The following CA10 variants were observed in gnomAD, a reference collection of about 807,000 sequenced individuals.
The protein encoded by CA10 is carbonic anhydrase-related protein 10.
In CA10, 14 loss-of-function variants were observed where a neutral mutation model predicts 44.2. That is an observed-to-expected ratio of 0.32 (90% CI 0.21 to 0.50). The LOEUF is 0.50. CA10 is among the 20% of genes least tolerant of loss of function. The pLI, the probability that CA10 is intolerant of heterozygous loss-of-function variation, is 0.99. For missense variants in CA10, 350 were observed against 409.7 expected, an observed-to-expected ratio of 0.85 and a Z score of 1.26; for synonymous variants, 159 against 141.6, an observed-to-expected ratio of 1.12 and a Z score of -0.87.
At chr17:51,988,971 C>G (rs78724912) in intron 2 of CA10, among the ~76,000 whole-genome samples, 399 of 151,982 alleles carry the variant, frequency 2.6e-3, no homozygotes, top group African/African-American at 9.1e-3. Context: ...TAGCACATCT[C>G]AATTCATATT....
intron 3 of CA10, among the ~76,000 whole-genome samples, chr17:51,748,182 G>A (rs962470996): frequency 1.3e-5 from 2 of 152,198 alleles, no homozygotes; most frequent in African/African-American, 4.8e-5. Context: ...GTGAGAAATT[G>A]GAGAAAGCAG....
intron 4 of CA10, among the ~76,000 whole-genome samples, chr17:51,740,521 T>C (rs553014048): frequency 2.0e-4 from 31 of 152,336 alleles, no homozygotes; most frequent in African/African-American, 7.5e-4. Flanking sequence ...GTGGTAACAT[T>C]GAGAGCAACC....
At chr17:51,666,791 G>GT (rs1914223785) in intron 4 of CA10, among the ~76,000 whole-genome samples, 1 of 152,176 alleles carries the variant, frequency 6.6e-6, no homozygotes, top group Non-Finnish European at 1.5e-5. Flanking sequence ...AGAAAATGAT[G>GT]TATCAATTCA....
chr17:51,916,396 C>T (rs149525473), intron 3 of CA10, among the ~76,000 whole-genome samples: 84 of 152,282 alleles, frequency 5.5e-4, no homozygotes, highest in African/African-American at 2.0e-3. Flanking sequence ...CCAAATCTCA[C>T]CTGGAATTGT....
intron 3 of CA10, among the ~76,000 whole-genome samples, chr17:51,777,022 A>G (rs1292319987): frequency 6.6e-6 from 1 of 152,198 alleles, no homozygotes; most frequent in Non-Finnish European, 1.5e-5. Flanking sequence ...CCCAAAGGGA[A>G]TAGGGAAGGG....
rs148602138 is a variant in CA10, at chr17:51,818,224, A to G, written c.280-70406T>C. On this transcript the variant is annotated intron_variant, in intron 3 of 8. Coordinates refer to ENST00000451037, the MANE Select transcript of CA10 (RefSeq NM_020178.5). ...TAATCCTTATCTTACCTCACTTTGT[A>G]ATTGGGAACTCATTTAAATAAGAAA... is the stretch of plus-strand genomic sequence containing the variant. 2.6e-3 allele frequency among the ~76,000 whole-genome samples: 393 copies of G among 152,332 alleles called. 2 individuals carry two copies. The highest frequency in any genetic ancestry group is 8.7e-3 in the African/African-American group (360 of 41,568).
intron 1 of CA10, among the ~76,000 whole-genome samples, chr17:52,113,297 A>G (rs1988824893): frequency 6.6e-6 from 1 of 152,208 alleles, no homozygotes; most frequent in African/African-American, 2.4e-5. Flanking sequence ...TTTGAGAAAT[A>G]CAGATGAATA....
At chr17:51,745,624 C>T (rs1264726913) in intron 4 of CA10, among the ~76,000 whole-genome samples, 2 of 152,206 alleles carry the variant, frequency 1.3e-5, no homozygotes, top group Non-Finnish European at 2.9e-5. Context: ...TGGAAGCACT[C>T]ATTTACTCTA....
At chr17:51,636,031 A>T (rs199649046) in intron 6 of CA10, 22 bp from the exon 7 acceptor site, 1 of 1,524,534 alleles carries the variant, frequency 6.6e-7, no homozygotes, top group African/African-American at 1.4e-5. Context: ...AAGAAGACTT[A>T]AAAATTAGGT....
At chr17:51,893,300 G>T (rs1980939069) in intron 3 of CA10, among the ~76,000 whole-genome samples, 1 of 152,094 alleles carries the variant, frequency 6.6e-6, no homozygotes, top group Non-Finnish European at 1.5e-5. Context: ...CCGAAGCCAG[G>T]GTTATAGTAA....
chr17:51,761,145 A>G (rs1905207121), intron 3 of CA10: 1 of 152,184 alleles, frequency 6.6e-6, no homozygotes, highest in Non-Finnish European at 1.5e-5. Flanking sequence ...CCAGGCTCTG[A>G]GGAGGCTTAA....
Position 51,895,152 on chromosome 17 carries a change from C to T in CA10, c.279+35838G>A, listed in dbSNP as rs114055064. Reference sequence around the variant, plus strand: ...TACCACACTCTTATCTACTTGCATGCGGATATGGAAAAAGAGGATCCCTGA... The same window carrying T: ...TACCACACTCTTATCTACTTGCATGTGGATATGGAAAAAGAGGATCCCTGA... On this transcript the variant is annotated intron_variant, in intron 3 of 8. Transcript: ENST00000451037. Among the ~76,000 whole-genome samples the T allele has an allele frequency of 2.9e-3, 434 of 151,960 alleles. 1 individual carries two copies. Among genetic ancestry groups the T allele is most frequent in the African/African-American group, 9.3e-3 (385 of 41,460 alleles).
intron 3 of CA10, among the ~76,000 whole-genome samples, chr17:51,871,923 A>C (rs1178973027): frequency 6.6e-6 from 1 of 152,190 alleles, no homozygotes; most frequent in African/African-American, 2.4e-5. Context: ...AAGAAGAATG[A>C]AACATGTACC....
intron 2 of CA10, among the ~76,000 whole-genome samples, chr17:51,951,172 T>A (rs1367025624): frequency 6.6e-6 from 1 of 152,200 alleles, no homozygotes; most frequent in East Asian, 1.9e-4. Context: ...AGTTCTCAGG[T>A]TCCTCCTCCA....
chr17:51,998,116 T>C (rs751617842), intron 2 of CA10, among the ~76,000 whole-genome samples: 29 of 151,980 alleles, frequency 1.9e-4, no homozygotes, highest in Non-Finnish European at 3.5e-4. Context: ...AGAGGAAGGA[T>C]TGGGATGCTA....
In CA10 at chr17:51,631,351, CATGTGTTTGTATGTATGT is replaced by C. The variant is rs574103974; in HGVS notation, c.*215_*232del. 778 of 571,162 alleles carry C rather than the reference CATGTGTTTGTATGTATGT, an allele frequency of 1.4e-3. 12 individuals are homozygous for C. In the Admixed American group the frequency reaches 0.024, roughly 17 times the overall value. 35.4% of individuals were successfully genotyped at this position (571,162 alleles called of 1,614,324 possible). ...GTGTGTGTGTGTGTAGGTATGTTTG[CATGTGTTTGTATGTATGT>C]GCAAGTGCTTGTGTGTGTGTTTGTG... is the stretch of plus-strand genomic sequence containing the variant. On this transcript the variant is annotated 3_prime_UTR_variant, in exon 9 of 9. Transcript: ENST00000451037.
At chr17:52,112,215 G>A (rs375166876) in intron 1 of CA10, among the ~76,000 whole-genome samples, 4 of 151,876 alleles carry the variant, frequency 2.6e-5, no homozygotes, top group African/African-American at 9.7e-5. Context: ...TCACAATTTG[G>A]TATGGGCAAT....
At chr17:51,681,665 AAAAT>A (rs1914852026) in intron 4 of CA10, among the ~76,000 whole-genome samples, 1 of 152,216 alleles carries the variant, frequency 6.6e-6, no homozygotes, top group South Asian at 2.1e-4. Context: ...AGGTAAGAGA[AAAAT>A]AAGTCGTGGC....
intron 4 of CA10, among the ~76,000 whole-genome samples, chr17:51,660,007 A>G (rs949016277): frequency 2.6e-5 from 4 of 152,226 alleles, no homozygotes; most frequent in Admixed American, 1.3e-4. Context: ...ATCTCATAGA[A>G]TCTTAGAAGG....
Sources: allele counts gnomAD v4.1 joint callset (sites outside exome capture counted in the v4.1 genomes callset), GRCh38; gene constraint gnomAD v4.1.1; transcripts MANE v1.5; gene names NCBI Gene and HGNC (gene_info 2026-07-23, HGNC 2026-07-21).